Variants in BMPR1B observed in about 807,000 individuals in gnomAD.
BMPR1B encodes bone morphogenetic protein receptor type-1B.
Under a neutral mutation model 59.1 loss-of-function variants are expected in BMPR1B, and 12 were observed. The ratio of observed to expected loss-of-function variants is 0.20; its 90% CI spans 0.13 to 0.33. BMPR1B has a LOEUF of 0.33. BMPR1B is among the 10% of genes least tolerant of loss of function. The pLI, the probability that BMPR1B is intolerant of heterozygous loss-of-function variation, is 1.00. For synonymous variants in BMPR1B, 237 were observed against 207.3 expected, an observed-to-expected ratio of 1.14 and a Z score of -1.23; for missense variants, 550 against 610.9, an observed-to-expected ratio of 0.90 and a Z score of 1.05.
chr4:94,981,079 T>G lies in BMPR1B; in HGVS notation c.-112-14961T>G, dbSNP rs578105337. Among the ~76,000 whole-genome samples the G allele has an allele frequency of 2.6e-5, 4 of 152,178 alleles. No individual in the cohort carries two copies. The South Asian group carries it at 8.3e-4, about 31-fold the overall frequency. The stretch of plus-strand genomic sequence containing the variant: ...ACAGTGAATTCCATGACCAATAGAT[T>G]GTGCAGAAAATTTGTCTACTACCTT... On this transcript the variant is annotated intron_variant, in intron 2 of 12. Coordinates refer to ENST00000515059, the MANE Select transcript of BMPR1B (RefSeq NM_001203.3).
At chr4:94,908,093 A>AAAAAAAAAAAAAAAAAAG (rs1553917473) in intron 2 of BMPR1B, among the ~76,000 whole-genome samples, 4 of 118,712 alleles carry the variant, frequency 3.4e-5, no homozygotes, top group Non-Finnish European at 4.9e-5. Flanking sequence ...AAAAAAAAGA[A>AAAAAAAAAAAAAAAAAAG]AAAACAAAAA....
chr4:95,110,327 G>C (rs1025853885), intron 4 of BMPR1B, among the ~76,000 whole-genome samples: 1 of 151,892 alleles, frequency 6.6e-6, no homozygotes, highest in East Asian at 1.9e-4. Context: ...AAAAAATCTT[G>C]TACCTCATAG....
intron 2 of BMPR1B, among the ~76,000 whole-genome samples, chr4:94,993,784 A>T (rs979269215): frequency 6.9e-5 from 10 of 145,100 alleles, no homozygotes; most frequent in South Asian, 6.7e-4. Flanking sequence ...AAAAAAAAAA[A>T]GTATGACAGG....
At chr4:94,797,143 C>A (rs1248941544) in intron 1 of BMPR1B, among the ~76,000 whole-genome samples, 2 of 152,132 alleles carry the variant, frequency 1.3e-5, no homozygotes, top group Non-Finnish European at 2.9e-5. Flanking sequence ...TAGGACGAAG[C>A]AAAAGGGGAA....
intron 1 of BMPR1B, among the ~76,000 whole-genome samples, chr4:94,797,096 G>A (rs1399172114): frequency 6.6e-6 from 1 of 152,194 alleles, no homozygotes; most frequent in Non-Finnish European, 1.5e-5. Flanking sequence ...TGTAGAGGGT[G>A]AAGGGCACTT....
intron 10 of BMPR1B, among the ~76,000 whole-genome samples, chr4:95,136,206 T>A (rs1312314886): frequency 6.6e-6 from 1 of 152,172 alleles, no homozygotes; most frequent in Non-Finnish European, 1.5e-5. Context: ...ATTTATTGAT[T>A]ATGTTCATTG....
intron 1 of BMPR1B, among the ~76,000 whole-genome samples, chr4:94,780,139 A>C (rs556780028): frequency 2.0e-5 from 3 of 152,134 alleles, no homozygotes; most frequent in Admixed American, 6.5e-5. Flanking sequence ...GCATGTGTTC[A>C]TTAATGAGAT....
At chr4:95,069,654 G>A (rs1480277507) in intron 3 of BMPR1B, among the ~76,000 whole-genome samples, 2 of 152,098 alleles carry the variant, frequency 1.3e-5, no homozygotes, top group African/African-American at 4.8e-5. Context: ...TTTATTTACT[G>A]TTTCTTTTTC....
At chr4:95,022,353 CT>C (rs1312701604) in intron 3 of BMPR1B, among the ~76,000 whole-genome samples, 1 of 152,194 alleles carries the variant, frequency 6.6e-6, no homozygotes, top group Non-Finnish European at 1.5e-5. Flanking sequence ...GATGTATTTT[CT>C]GACCACATTG....
chr4:95,096,005 T>C (rs1027404025), intron 3 of BMPR1B, among the ~76,000 whole-genome samples: 1 of 151,344 alleles, frequency 6.6e-6, no homozygotes, highest in African/African-American at 2.4e-5. Flanking sequence ...TCTTGATATG[T>C]AATAGTATGA....
At chr4:94,840,555 C>G (rs1243011816) in intron 1 of BMPR1B, among the ~76,000 whole-genome samples, 3 of 145,970 alleles carry the variant, frequency 2.1e-5, no homozygotes, top group Middle Eastern at 7.1e-3. Context: ...TTGATCGCAT[C>G]GGCTCCTGAG....
chr4:94,792,758 G>A (rs918021035), intron 1 of BMPR1B, among the ~76,000 whole-genome samples: 2 of 152,072 alleles, frequency 1.3e-5, no homozygotes, highest in African/African-American at 2.4e-5. Flanking sequence ...ATAACATTTA[G>A]ATAGTTACAT....
At chr4:95,101,251 A>C (rs1438446430) in intron 3 of BMPR1B, among the ~76,000 whole-genome samples, 1 of 152,168 alleles carries the variant, frequency 6.6e-6, no homozygotes, top group Non-Finnish European at 1.5e-5. Flanking sequence ...GTGAATGTTC[A>C]CTGAATGTTT....
chr4:94,982,162 G>A (rs544129327), intron 2 of BMPR1B, among the ~76,000 whole-genome samples: 18 of 152,114 alleles, frequency 1.2e-4, no homozygotes, highest in Non-Finnish European at 2.5e-4. Flanking sequence ...TAATTGTGTT[G>A]GGTATTTCCA....
At chr4:95,095,372 G>A (rs963986984) in intron 3 of BMPR1B, among the ~76,000 whole-genome samples, 10 of 152,110 alleles carry the variant, frequency 6.6e-5, no homozygotes, top group Non-Finnish European at 1.3e-4. Context: ...AATGGGCATT[G>A]ATTTGCATTA....
chr4:95,055,704 G>A (rs1328335356), intron 3 of BMPR1B, among the ~76,000 whole-genome samples: 2 of 152,088 alleles, frequency 1.3e-5, no homozygotes, highest in Admixed American at 6.5e-5. Context: ...GTAATTTCAC[G>A]TAATTGCCAA....
intron 3 of BMPR1B, among the ~76,000 whole-genome samples, chr4:95,071,378 A>G (rs1164192092): frequency 6.6e-6 from 1 of 152,140 alleles, no homozygotes; most frequent in African/African-American, 2.4e-5. Context: ...AAATTAAAAC[A>G]AAAATCACTC....
chr4:94,863,693 A>G (rs528585787), intron 1 of BMPR1B, among the ~76,000 whole-genome samples: 16 of 152,356 alleles, frequency 1.1e-4, no homozygotes, highest in East Asian at 7.7e-4. Flanking sequence ...CTAGGCGGCA[A>G]TGTGGCTGCG....
chr4:94,887,817 T>G (rs1366377382), intron 2 of BMPR1B, among the ~76,000 whole-genome samples: 1 of 151,846 alleles, frequency 6.6e-6, no homozygotes, highest in Non-Finnish European at 1.5e-5. Context: ...AAACAATAAT[T>G]CACAAAACCA....
Sources: gnomAD v4.1 joint callset for allele counts (sites outside exome capture counted in the v4.1 genomes callset) on GRCh38, gnomAD v4.1.1 for gene constraint, MANE v1.5 for transcripts, NCBI Gene and HGNC (gene_info 2026-07-23, HGNC 2026-07-21) for gene names.